Variants in AGBL1 observed in about 807,000 individuals in gnomAD.
The protein encoded by AGBL1 is cytosolic carboxypeptidase 4.
Under a neutral mutation model 118.9 loss-of-function variants are expected in AGBL1, and 130 were observed. The ratio of observed to expected loss-of-function variants is 1.09; its 90% CI spans 0.95 to 1.26. AGBL1 has a LOEUF of 1.26. Ranked by LOEUF, AGBL1 falls within the 50% of genes most tolerant of loss-of-function variation. The pLI, the probability that AGBL1 is intolerant of heterozygous loss-of-function variation, is 0.00. For synonymous variants in AGBL1, 555 were observed against 478.9 expected (o/e 1.16, Z -2.08); for missense variants, 1,584 against 1,298.1 (o/e 1.22, Z -3.38).
intron 21 of AGBL1, among the ~76,000 whole-genome samples, chr15:86,628,507 A>T (rs2084920363): frequency 6.6e-6 from 1 of 152,188 alleles, no homozygotes; most frequent in Admixed American, 6.5e-5. Context: ...TTCTTTAAAA[A>T]AATTTTTGGC....
chr15:86,351,052 C>A (rs1235116317), intron 17 of AGBL1, among the ~76,000 whole-genome samples: 4 of 152,204 alleles, frequency 2.6e-5, no homozygotes, highest in African/African-American at 9.7e-5. Flanking sequence ...GCACTTTGTG[C>A]ATAGTTATGC....
intron 22 of AGBL1, among the ~76,000 whole-genome samples, chr15:86,825,688 AGAGG>A (rs746132218): frequency 1.6e-4 from 18 of 116,062 alleles, no homozygotes; most frequent in South Asian, 3.3e-4. Flanking sequence ...AGGAAGGGAG[AGAGG>A]GAGGGAGGGA....
chr15:86,151,962 G>T lies in AGBL1; in HGVS notation c.263-2468G>T, dbSNP rs200224317. ...AATACCTAGGAATCCAACTTACAAG[G>T]GATGTGAAGGACCTCTTCAAGGAGA... On this transcript the variant is annotated intron_variant, in intron 3 of 22. Coordinates refer to ENST00000614907, the MANE Select transcript of AGBL1 (RefSeq NM_001386094.1). Among the ~76,000 whole-genome samples, 5 of 152,120 alleles carry T rather than the reference G, an allele frequency of 3.3e-5. No homozygotes were observed. In the East Asian group the frequency reaches 9.7e-4, roughly 29 times the overall value.
At chr15:86,963,519 G>A (rs1009265543) in intron 23 of AGBL1, among the ~76,000 whole-genome samples, 3 of 151,848 alleles carry the variant, frequency 2.0e-5, no homozygotes, top group African/African-American at 4.8e-5. Flanking sequence ...AATCTACCAC[G>A]TTGAAAGCAC....
chr15:86,984,595 A>G (rs1358809639), intron 23 of AGBL1, among the ~76,000 whole-genome samples: 1 of 151,854 alleles, frequency 6.6e-6, no homozygotes, highest in African/African-American at 2.4e-5. Context: ...TGAACACCTG[A>G]CCTTGTGATC....
chr15:86,928,805 A>T (rs2080574513), intron 23 of AGBL1, among the ~76,000 whole-genome samples: 1 of 152,124 alleles, frequency 6.6e-6, no homozygotes, highest in African/African-American at 2.4e-5. Flanking sequence ...TTACCTGTTT[A>T]TTTTACATGT....
intron 21 of AGBL1, among the ~76,000 whole-genome samples, chr15:86,649,717 T>A (rs562148374): frequency 6.6e-6 from 1 of 152,050 alleles, no homozygotes; most frequent in Non-Finnish European, 1.5e-5. Flanking sequence ...TTTTTCTTTT[T>A]ACATAAAAAC....
chr15:86,755,486 C>T (rs2077922985), intron 22 of AGBL1, among the ~76,000 whole-genome samples: 1 of 152,072 alleles, frequency 6.6e-6, no homozygotes, highest in South Asian at 2.1e-4. Context: ...CTTCAAGGAG[C>T]AATGGACACC....
chr15:86,895,719 C>A (rs2080116440), intron 22 of AGBL1, among the ~76,000 whole-genome samples: 1 of 151,894 alleles, frequency 6.6e-6, no homozygotes, highest in East Asian at 1.9e-4. Context: ...TGCAAAGATA[C>A]CACAGAAAGT....
chr15:86,229,062 C>A (rs552149573), intron 6 of AGBL1, among the ~76,000 whole-genome samples: 84 of 152,254 alleles, frequency 5.5e-4, no homozygotes, highest in Non-Finnish European at 1.1e-3. Flanking sequence ...TATGCTTTAT[C>A]CTATCCAAAC....
intron 22 of AGBL1, among the ~76,000 whole-genome samples, chr15:86,854,966 C>A (rs555894538): frequency 9.4e-4 from 143 of 152,174 alleles, no homozygotes; most frequent in Non-Finnish European, 5.7e-4. Context: ...TTTGCTACAC[C>A]CCCCCACTGG....
intron 23 of AGBL1, among the ~76,000 whole-genome samples, chr15:86,965,538 GT>G (rs1409018008): frequency 6.6e-6 from 1 of 151,794 alleles, no homozygotes; most frequent in Admixed American, 6.6e-5. Flanking sequence ...TTAGCCCTTT[GT>G]CAGATGGATA....
intron 5 of AGBL1, among the ~76,000 whole-genome samples, chr15:86,205,451 A>T (rs1416518150): frequency 1.3e-5 from 2 of 152,226 alleles, no homozygotes; most frequent in Non-Finnish European, 2.9e-5. Flanking sequence ...TGAGTTTTTA[A>T]CCCATTTAGG....
chr15:86,251,974 AG>A (rs2078823714), intron 7 of AGBL1, among the ~76,000 whole-genome samples: 1 of 152,208 alleles, frequency 6.6e-6, no homozygotes, highest in Non-Finnish European at 1.5e-5. Context: ...GGGGCCTGAA[AG>A]GTTGCTAAAA....
At chr15:86,337,313 T>G (rs1250707750) in intron 17 of AGBL1, among the ~76,000 whole-genome samples, 1 of 151,878 alleles carries the variant, frequency 6.6e-6, no homozygotes, top group Non-Finnish European at 1.5e-5. Context: ...GTATTACCAG[T>G]AGGCTTTTTT....
chr15:86,883,913 C>T (rs912255554), intron 22 of AGBL1, among the ~76,000 whole-genome samples: 8 of 152,150 alleles, frequency 5.3e-5, no homozygotes, highest in African/African-American at 1.4e-4. Flanking sequence ...AGTAGTCCCT[C>T]CTTTCCATGA....
rs1456833522 is a variant in AGBL1, at chr15:86,910,946, A to C, written c.*3652A>C. 1.3e-5 allele frequency: 2 copies of C among 152,190 alleles called. No homozygotes were observed. Among genetic ancestry groups the C allele is most frequent in the African/African-American group, 4.8e-5 (2 of 41,438 alleles). 9.4% of individuals were successfully genotyped at this position (152,190 alleles called of 1,614,324 possible). A position where few individuals can be genotyped will look rare whatever the true frequency, so the allele number is the denominator to read the frequency against. On this transcript the variant is annotated 3_prime_UTR_variant, in exon 23 of 23. Transcript: ENST00000614907. ...CAGAGTTAGAGGGTACTTACTTGAG[A>C]GTTAACTCTCAATAGTTATAAGAGC...
intron 17 of AGBL1, among the ~76,000 whole-genome samples, chr15:86,353,993 A>T (rs1246171114): frequency 6.6e-6 from 1 of 152,196 alleles, no homozygotes; most frequent in East Asian, 1.9e-4. Flanking sequence ...ATTACAGAAC[A>T]ATACTTTAAT....
chr15:86,166,141 TTCAAGGCACCATTTATTAC>T (rs2077338375), intron 5 of AGBL1, among the ~76,000 whole-genome samples: 1 of 152,174 alleles, frequency 6.6e-6, no homozygotes, highest in Non-Finnish European at 1.5e-5. Context: ...CTACCCTAAC[TTCAAGGCACCATTTATTAC>T]TCCAAGACAC....
Sources: gnomAD v4.1 joint callset for allele counts (sites outside exome capture counted in the v4.1 genomes callset) on GRCh38, gnomAD v4.1.1 for gene constraint, MANE v1.5 for transcripts, NCBI Gene and HGNC (gene_info 2026-07-23, HGNC 2026-07-21) for gene names.